The following BACE2 variants were observed in gnomAD, a reference collection of about 807,000 sequenced individuals.
BACE2 encodes the protein beta-secretase 2, also known as 56 kDa aspartic-like protease.
In BACE2, 17 loss-of-function variants were observed where a neutral mutation model predicts 46.2. The ratio of observed to expected loss-of-function variants is 0.37; its 90% confidence interval spans 0.25 to 0.55. The LOEUF (loss-of-function observed/expected upper bound fraction) is 0.55. BACE2 is among the 20% of genes least tolerant of loss of function. The probability of loss-of-function intolerance (pLI) is 0.82; values close to 1 mark genes in which losing one functional copy is unlikely to be tolerated. For missense variants in BACE2, 595 were observed against 698.1 expected (o/e 0.85, Z 1.66); for synonymous variants, 277 against 295.9 (o/e 0.94, Z 0.66).
chr21:41,172,637 C>G (rs1056284713), intron 1 of BACE2, among the ~76,000 whole-genome samples: 1 of 152,124 alleles, frequency 6.6e-6, no homozygotes, highest in Non-Finnish European at 1.5e-5. Context: ...TAAGAAGAAC[C>G]ATCTTCATGC....
chr21:41,184,459 C>A (rs1176105289), intron 1 of BACE2: 1 of 167,068 alleles, frequency 6.0e-6, no homozygotes, highest in African/African-American at 2.4e-5. Flanking sequence ...CTGGCCAATT[C>A]TTTCCTTTTA....
Position 41,238,312 on chromosome 21 carries a change from G to A in BACE2, c.618+583G>A, listed in dbSNP as rs549191092. On this transcript the variant is annotated intron_variant, in intron 3 of 8. Transcript: ENST00000330333. The stretch of plus-strand genomic sequence containing the variant: ...GAACCCTGCTCTTGCCATCACCAGA[G>A]CCTCCCCACATGGGGAAAGACAGAA... 2.2e-4 allele frequency among the ~76,000 whole-genome samples: 34 copies of A among 152,356 alleles called. No individual in the cohort carries two copies. In the South Asian group the frequency reaches 6.6e-3, roughly 30 times the overall value.
intron 7 of BACE2, 112 bp downstream of exon 7, chr21:41,251,013 A>C: frequency 9.0e-7 from 1 of 1,112,386 alleles, no homozygotes. Context: ...TCACCACAAT[A>C]ATGCTGCAAA....
rs1193059969 is a variant in BACE2, at chr21:41,193,351, C to G, written c.312+24776C>G. Among the ~76,000 whole-genome samples the G allele has an allele frequency of 6.6e-6, 1 of 152,212 alleles. No individual in the cohort carries two copies. The highest frequency in any genetic ancestry group is 1.5e-5 in the Non-Finnish European group (1 of 68,044). On this transcript the variant is annotated intron_variant, in intron 1 of 8. Transcript: ENST00000330333. This position sits in a 1 kb window ranked among gnomAD's most constrained non-coding sequence, Gnocchi z 4.2. ...GTGTTAATTTGCTCAAGCAATGAAA[C>G]CACATCTGGTACAGCAGCTGCAATT...
intron 6 of BACE2, 160 bp downstream of exon 6, chr21:41,246,223 A>C (rs1987468959): frequency 2.6e-6 from 1 of 380,862 alleles, no homozygotes; most frequent in Admixed American, 4.3e-5. Flanking sequence ...GTATAGGTGT[A>C]ATATGTAAAT....
intron 1 of BACE2, among the ~76,000 whole-genome samples, chr21:41,173,082 A>G (rs1165056039): frequency 6.6e-6 from 1 of 152,174 alleles, no homozygotes; most frequent in Non-Finnish European, 1.5e-5. Flanking sequence ...TCTTTACTTC[A>G]TCACATCTGC....
At chr21:41,269,718 TC>T (rs951851127) in intron 8 of BACE2, among the ~76,000 whole-genome samples, 2 of 152,238 alleles carry the variant, frequency 1.3e-5, no homozygotes, top group Non-Finnish European at 2.9e-5. Context: ...AGTTTCTTTA[TC>T]CCCATACACC....
chr21:41,261,369 GAT>G (rs1987930655), intron 8 of BACE2, among the ~76,000 whole-genome samples: 1 of 152,112 alleles, frequency 6.6e-6, no homozygotes, highest in Admixed American at 6.5e-5. Flanking sequence ...TACAACTTTG[GAT>G]ATGTTTTTGG....
chr21:41,257,050 C>A lies in BACE2; in HGVS notation c.1135-108C>A, dbSNP rs1021257237. 17 of 1,269,310 alleles carry A rather than the reference C, an allele frequency of 1.3e-5. No individual in the cohort carries two copies. The African/African-American group carries it at 2.5e-4, about 19-fold the overall frequency. 78.6% of individuals were successfully genotyped at this position (1,269,310 alleles called of 1,614,324 possible). ...TCATCTTTCTTCTCCCGTGACTCCC[C>A]CCAGCGCCTGGGAGGGTCCTGAGCA... On this transcript the variant is annotated intron_variant, in intron 7 of 8. Coordinates refer to ENST00000330333, the MANE Select transcript of BACE2 (RefSeq NM_012105.5).
chr21:41,269,152 C>A (rs907253516), intron 8 of BACE2, among the ~76,000 whole-genome samples: 1 of 151,938 alleles, frequency 6.6e-6, no homozygotes, highest in Non-Finnish European at 1.5e-5. Flanking sequence ...TGGGGTTTCT[C>A]CATGTTGGTC....
intron 1 of BACE2, among the ~76,000 whole-genome samples, chr21:41,187,061 A>C (rs2123507117): frequency 6.6e-6 from 1 of 152,286 alleles, no homozygotes; most frequent in Non-Finnish European, 1.5e-5. Context: ...TGCCTCTGGA[A>C]TCAAGTCCCG....
At chr21:41,248,994 A>C (rs1043744333) in intron 6 of BACE2, among the ~76,000 whole-genome samples, 3 of 152,066 alleles carry the variant, frequency 2.0e-5, no homozygotes, top group African/African-American at 7.2e-5. Context: ...TTCTTGCTGC[A>C]CACCCTCCTA....
intron 3 of BACE2, 79 bp from the exon 4 acceptor site, chr21:41,241,740 C>A (rs762705318): frequency 6.6e-7 from 1 of 1,515,266 alleles, no homozygotes; most frequent in Non-Finnish European, 9.0e-7. Context: ...ATGTCTGTGG[C>A]GCGTGGCGTC....
intron 1 of BACE2, among the ~76,000 whole-genome samples, chr21:41,188,209 C>A (rs1374196191): frequency 1.3e-5 from 2 of 152,150 alleles, no homozygotes; most frequent in Non-Finnish European, 2.9e-5. Context: ...TCACTCTGTG[C>A]CCAGCAGAAC....
intron 2 of BACE2, among the ~76,000 whole-genome samples, chr21:41,237,039 T>C (rs548425823): frequency 8.5e-5 from 13 of 152,362 alleles, no homozygotes; most frequent in African/African-American, 2.9e-4. Context: ...ACATTGATGC[T>C]GTTCATGATA....
intron 1 of BACE2, among the ~76,000 whole-genome samples, chr21:41,220,427 G>A (rs1435211481): frequency 1.3e-5 from 2 of 152,236 alleles, no homozygotes; most frequent in African/African-American, 2.4e-5. Context: ...GCTCTTTCTG[G>A]TGACCAGCCC....
At chr21:41,177,032 G>C (rs1984879356) in intron 1 of BACE2, 1 of 152,232 alleles carries the variant, frequency 6.6e-6, no homozygotes, top group African/African-American at 2.4e-5. Flanking sequence ...CAAACTAGAA[G>C]TTGTTACAAA....
At chr21:41,229,280 T>A in intron 2 of BACE2, among the ~76,000 whole-genome samples, 1 of 152,212 alleles carries the variant, frequency 6.6e-6, no homozygotes, top group Non-Finnish European at 1.5e-5. Flanking sequence ...GGAGCTTGCA[T>A]TTCCTCGTTT....
chr21:41,197,518 G>A (rs1343210848), intron 1 of BACE2, among the ~76,000 whole-genome samples: 1 of 152,114 alleles, frequency 6.6e-6, no homozygotes, highest in Non-Finnish European at 1.5e-5. Flanking sequence ...GATGATAGCT[G>A]TACATGTTTA....
Sources: allele counts gnomAD v4.1 joint callset (sites outside exome capture counted in the v4.1 genomes callset), GRCh38; gene constraint gnomAD v4.1.1; non-coding constraint Gnocchi (gnomAD v3.1); transcripts MANE v1.5; gene names NCBI Gene and HGNC (gene_info 2026-07-23, HGNC 2026-07-21).